COL10A1: variants seen among roughly 807,000 people sequenced by gnomAD.
COL10A1 encodes collagen type X alpha 1 chain, also known as collagen alpha-1(X) chain.
COL10A1 carries 10 observed loss-of-function variants against 18.2 expected under a neutral mutation model. The observed-to-expected ratio is 0.55, with a 90% CI of 0.34 to 0.93. The LOEUF is 0.93. Among genes scored for constraint, COL10A1 ranks in the 40% least tolerant of loss-of-function variants. The pLI, the probability that COL10A1 is intolerant of heterozygous loss-of-function variation, is 0.02. For synonymous variants in COL10A1, 330 were observed against 316.6 expected (o/e 1.04, Z -0.45); for missense variants, 897 against 853.5 (o/e 1.05, Z -0.64).
chr6:116,140,762 T>A (rs1490688742), intron 1 of COL10A1, among the ~76,000 whole-genome samples: 1 of 152,206 alleles, frequency 6.6e-6, no homozygotes, highest in East Asian at 1.9e-4. Flanking sequence ...TGCAACTTAC[T>A]TTTTTGATGT....
the COL10A1 span, among the ~76,000 whole-genome samples, chr6:116,209,693 G>T: frequency 0.42 from 64,170 of 151,046 alleles, 17,551 homozygotes; most frequent in African/African-American, 0.78. Context: ...TTTATTTGGG[G>T]TTTTTTTTCC....
chr6:116,169,270 T>G, the COL10A1 span, among the ~76,000 whole-genome samples: 15 of 152,254 alleles, frequency 9.9e-5, no homozygotes, highest in African/African-American at 3.4e-4. Flanking sequence ...TGTTTAACTT[T>G]TCTAGTTATC....
the COL10A1 span, among the ~76,000 whole-genome samples, chr6:116,192,988 T>C: frequency 6.6e-6 from 1 of 152,092 alleles, no homozygotes; most frequent in South Asian, 2.1e-4. Context: ...GTATGAGATA[T>C]ACTTAGTTTG....
chr6:116,199,733 A>G, the COL10A1 span, among the ~76,000 whole-genome samples: 2 of 152,068 alleles, frequency 1.3e-5, no homozygotes, highest in Admixed American at 1.3e-4. Context: ...AGAGCTCCCA[A>G]TGGCTAATGC....
At chr6:116,182,222 A>AGAGT in the COL10A1 span, among the ~76,000 whole-genome samples, 1 of 124,604 alleles carries the variant, frequency 8.0e-6, no homozygotes, top group Non-Finnish European at 1.7e-5. Flanking sequence ...TTCCATGGAG[A>AGAGT]GTGTGTGTGT....
chr6:116,151,191 T>C (rs1449928703), intron 1 of COL10A1, among the ~76,000 whole-genome samples: 1 of 152,182 alleles, frequency 6.6e-6, no homozygotes, highest in Non-Finnish European at 1.5e-5. Flanking sequence ...CCAACTTCAG[T>C]GCCTGCACCA....
chr6:116,206,294 G>A, the COL10A1 span, among the ~76,000 whole-genome samples: 1 of 151,938 alleles, frequency 6.6e-6, no homozygotes, highest in African/African-American at 2.4e-5. Flanking sequence ...TTTACTATGT[G>A]TAAAGCATTG....
the COL10A1 span, among the ~76,000 whole-genome samples, chr6:116,178,897 C>T: frequency 1.2e-4 from 18 of 152,236 alleles, no homozygotes; most frequent in East Asian, 2.3e-3. Context: ...TTCTTTTACT[C>T]GATATGCATT....
Position 116,119,772 on chromosome 6 carries a change from T to C in COL10A1, c.*301A>G, listed in dbSNP as rs1035948486. The C allele has an allele frequency of 1.2e-5, 3 of 250,602 alleles. No homozygotes were observed. Among genetic ancestry groups the C allele is most frequent in the Non-Finnish European group, 2.3e-5 (3 of 131,640 alleles). 15.5% of individuals were successfully genotyped at this position (250,602 alleles called of 1,614,324 possible). On this transcript the variant is annotated 3_prime_UTR_variant, in exon 3 of 3. Coordinates refer to ENST00000651968, the MANE Select transcript of COL10A1 (RefSeq NM_000493.4). ...TTTTTTTTTAATTTTTTTTTTGTTG[T>C]TTGTTTTTTGTTGTTTGTTTTTAAC... is the stretch of plus-strand genomic sequence containing the variant.
chr6:116,188,242 G>A, the COL10A1 span, among the ~76,000 whole-genome samples: 1 of 151,988 alleles, frequency 6.6e-6, no homozygotes, highest in Non-Finnish European at 1.5e-5. Context: ...ACTGCTGGTG[G>A]GAGTGTAAAT....
At chr6:116,195,538 T>G in the COL10A1 span, among the ~76,000 whole-genome samples, 1 of 152,078 alleles carries the variant, frequency 6.6e-6, no homozygotes, top group South Asian at 2.1e-4. Flanking sequence ...ATAATCCATA[T>G]ATTCTGCTTT....
the COL10A1 span, among the ~76,000 whole-genome samples, chr6:116,187,614 G>A: frequency 6.6e-6 from 1 of 152,162 alleles, no homozygotes; most frequent in East Asian, 1.9e-4. Context: ...AGAGCAGTGG[G>A]GAAAGGACTG....
the COL10A1 span, among the ~76,000 whole-genome samples, chr6:116,214,486 G>A: frequency 3.9e-5 from 6 of 152,076 alleles, no homozygotes; most frequent in Non-Finnish European, 8.8e-5. Flanking sequence ...TCAAAAAGCT[G>A]TCTGGTTTTA....
chr6:116,146,272 C>A (rs1423656601), intron 1 of COL10A1, among the ~76,000 whole-genome samples: 1 of 152,192 alleles, frequency 6.6e-6, no homozygotes. Flanking sequence ...CAAAAGTTAT[C>A]TAGGCTTCAG....
chr6:116,185,926 C>A, the COL10A1 span, among the ~76,000 whole-genome samples: 2 of 151,844 alleles, frequency 1.3e-5, no homozygotes, highest in Admixed American at 1.3e-4. Context: ...TTCCTGAAAA[C>A]CTTGGATTTT....
the COL10A1 span, among the ~76,000 whole-genome samples, chr6:116,173,255 A>T: frequency 6.6e-6 from 1 of 152,244 alleles, no homozygotes; most frequent in South Asian, 2.1e-4. Flanking sequence ...CTTGAAATAC[A>T]CATGGAGCTG....
At chr6:116,125,247 C>T (rs949403944) in intron 2 of COL10A1, 92 bp downstream of exon 2, 4 of 1,448,588 alleles carry the variant, frequency 2.8e-6, no homozygotes, top group Non-Finnish European at 3.8e-6. Flanking sequence ...AAAGTAACAC[C>T]AAAGTTAAAT....
chr6:116,138,725 C>G (rs1372565162), intron 1 of COL10A1, among the ~76,000 whole-genome samples: 2 of 152,178 alleles, frequency 1.3e-5, no homozygotes, highest in Middle Eastern at 3.4e-3. Flanking sequence ...TGAATCCTTA[C>G]TAATGGGGTA....
At chr6:116,194,841 C>G in the COL10A1 span, among the ~76,000 whole-genome samples, 2 of 152,008 alleles carry the variant, frequency 1.3e-5, no homozygotes, top group African/African-American at 4.8e-5. Context: ...TTATAAGACA[C>G]TCTACATACT....
Sources: allele counts gnomAD v4.1 joint callset (sites outside exome capture counted in the v4.1 genomes callset), GRCh38; gene constraint gnomAD v4.1.1; transcripts MANE v1.5; gene names NCBI Gene and HGNC (gene_info 2026-07-23, HGNC 2026-07-21).